LRRC7: variants seen among roughly 807,000 people sequenced by gnomAD.
The protein encoded by LRRC7 is leucine-rich repeat-containing protein 7.
A neutral mutation model predicts 175.7 loss-of-function variants in LRRC7; 23 were observed. The ratio of observed to expected loss-of-function variants is 0.13; its 90% CI spans 0.09 to 0.19. The LOEUF is 0.19. Among genes scored for constraint, LRRC7 ranks in the 10% least tolerant of loss-of-function variants. LRRC7 has a pLI of 1.00. For missense variants in LRRC7, 1,354 were observed against 1,904.7 expected (o/e 0.71, Z 5.38); for synonymous variants, 685 against 680.9 (o/e 1.01, Z -0.09).
chr1:69,871,839 A>C (rs1685581081), intron 7 of LRRC7, among the ~76,000 whole-genome samples: 1 of 152,006 alleles, frequency 6.6e-6, no homozygotes, highest in Non-Finnish European at 1.5e-5. Context: ...TTTTTGTTCA[A>C]ATAATCTATG....
intron 26 of LRRC7, among the ~76,000 whole-genome samples, chr1:70,108,606 C>T (rs1469492816): frequency 6.6e-6 from 1 of 152,122 alleles, no homozygotes; most frequent in Non-Finnish European, 1.5e-5. Context: ...AGTATTTTGA[C>T]TTAGAACCCC....
chr1:69,852,694 T>A (rs1326745008), intron 7 of LRRC7, among the ~76,000 whole-genome samples: 2 of 152,216 alleles, frequency 1.3e-5, no homozygotes, highest in Non-Finnish European at 2.9e-5. Context: ...CTTAAGTTAG[T>A]TAATTGAACA....
At chr1:69,838,171 C>G (rs1331078347) in intron 6 of LRRC7, 56 bp from the exon 7 acceptor site, 3 of 1,227,360 alleles carry the variant, frequency 2.4e-6, no homozygotes, top group Non-Finnish European at 3.6e-6. Flanking sequence ...AGATCTTATT[C>G]AATAATTTTT....
chr1:69,987,512 C>T (rs1253966554), intron 10 of LRRC7, among the ~76,000 whole-genome samples: 1 of 152,190 alleles, frequency 6.6e-6, no homozygotes, highest in African/African-American at 2.4e-5. Context: ...TCTTATCCTT[C>T]GTGGATGCTG....
chr1:69,985,012 C>G (rs1653804290), intron 9 of LRRC7, among the ~76,000 whole-genome samples: 1 of 152,192 alleles, frequency 6.6e-6, no homozygotes, highest in African/African-American at 2.4e-5. Context: ...ACGTGCTGTT[C>G]TCCCTTCCAG....
chr1:70,040,875 G>GA (rs200059638), intron 21 of LRRC7, among the ~76,000 whole-genome samples: 73 of 151,334 alleles, frequency 4.8e-4, no homozygotes, highest in Non-Finnish European at 9.2e-4. Flanking sequence ...ATCAGGGACA[G>GA]AAAAAAAAAT....
chr1:69,795,914 T>G (rs1018211647), intron 4 of LRRC7, among the ~76,000 whole-genome samples: 2 of 151,662 alleles, frequency 1.3e-5, no homozygotes, highest in African/African-American at 4.8e-5. Context: ...TTTTTTGGGT[T>G]TTTTTTTGTT....
In LRRC7 at chr1:70,028,343, C is replaced by T. The variant is rs756480524; in HGVS notation, c.1967C>T (p.Pro656Leu). Residue 656 changes from proline to leucine, a missense_variant, in exon 18 of 27, where the codon CCG becomes CTG. This residue lies in a region of LRRC7 where 1,032 missense variants were observed against 1,227.2 expected (regional missense o/e 0.84). Transcript: ENST00000651989. ...AAAGAAAAATATGAACACAAGTGGC[C>T]GGTAGCCCCAAAGGAGATTACAGTG... is the stretch of plus-strand genomic sequence containing the variant. Reference protein sequence around the residue: ...TVKEKYEHKWPVAPKEITVED... With the variant: ...TVKEKYEHKWLVAPKEITVED... 27 of 1,613,318 alleles carry T rather than the reference C, an allele frequency of 1.7e-5. No homozygotes were observed. The highest frequency in any genetic ancestry group is 2.0e-5 in the Non-Finnish European group (24 of 1,179,678).
chr1:69,736,208 T>C (rs1311341907), intron 2 of LRRC7, among the ~76,000 whole-genome samples: 3 of 152,148 alleles, frequency 2.0e-5, no homozygotes, highest in Non-Finnish European at 4.4e-5. Flanking sequence ...TATTCTGTAA[T>C]GTACTTTTTG....
intron 1 of LRRC7, among the ~76,000 whole-genome samples, chr1:69,630,275 T>A (rs1215955482): frequency 6.6e-6 from 1 of 152,154 alleles, no homozygotes; most frequent in Non-Finnish European, 1.5e-5. Flanking sequence ...CTTAAAAGAG[T>A]TGCCCACTTC....
At chr1:69,810,721 T>C (rs2101138977) in intron 4 of LRRC7, among the ~76,000 whole-genome samples, 1 of 152,348 alleles carries the variant, frequency 6.6e-6, no homozygotes, top group Admixed American at 6.5e-5. Flanking sequence ...GCTAGCCATA[T>C]GCAGAAAACT....
At chr1:69,683,861 A>G (rs1557595955) in intron 2 of LRRC7, among the ~76,000 whole-genome samples, 1 of 147,800 alleles carries the variant, frequency 6.8e-6, no homozygotes, top group Non-Finnish European at 1.5e-5. Context: ...TACATGTAAA[A>G]ATATCAGAAA....
chr1:69,687,148 C>T (rs559350490), intron 2 of LRRC7, among the ~76,000 whole-genome samples: 1 of 152,196 alleles, frequency 6.6e-6, no homozygotes, highest in East Asian at 1.9e-4. Flanking sequence ...TTTAGCCCAA[C>T]TTAGTTGTCA....
At chr1:69,842,655 A>G (rs969897983) in intron 7 of LRRC7, among the ~76,000 whole-genome samples, 1 of 152,140 alleles carries the variant, frequency 6.6e-6, no homozygotes, top group African/African-American at 2.4e-5. Flanking sequence ...GATTTGGTAG[A>G]TGAAGAATGC....
At chr1:69,867,473 CATTA>C (rs909022276) in intron 7 of LRRC7, among the ~76,000 whole-genome samples, 1 of 152,108 alleles carries the variant, frequency 6.6e-6, no homozygotes, top group Non-Finnish European at 1.5e-5. Flanking sequence ...CACTGAAGAA[CATTA>C]AGCTAGGAGT....
chr1:70,037,965 AAAT>A (rs1326953936), intron 20 of LRRC7, 145 bp from the exon 21 acceptor site: 18 of 1,129,602 alleles, frequency 1.6e-5, no homozygotes, highest in African/African-American at 7.8e-5. Context: ...TTAAAATATG[AAAT>A]AATAATACTA....
intron 1 of LRRC7, among the ~76,000 whole-genome samples, chr1:69,674,790 T>A (rs1570300045): frequency 6.6e-6 from 1 of 152,276 alleles, no homozygotes; most frequent in East Asian, 1.9e-4. Flanking sequence ...CTAAGCTAAT[T>A]TTTTTTCCTC....
At chr1:69,995,202 C>A (rs35781710) in intron 11 of LRRC7, among the ~76,000 whole-genome samples, 12,828 of 152,048 alleles carry the variant, frequency 0.084, 707 homozygotes, top group Admixed American at 0.12. Context: ...CAATTTATTT[C>A]TAATATTGTC....
intron 3 of LRRC7, among the ~76,000 whole-genome samples, chr1:69,780,417 C>T (rs555433676): frequency 8.6e-5 from 13 of 151,938 alleles, no homozygotes; most frequent in Non-Finnish European, 1.8e-4. Context: ...TGGCACTGTG[C>T]CTGTCACTGA....
Sources: gnomAD v4.1 joint callset for allele counts (sites outside exome capture counted in the v4.1 genomes callset) on GRCh38, gnomAD v4.1.1 for gene constraint, gnomAD v4.1.1 regional missense constraint, MANE v1.5 for transcripts, NCBI Gene and HGNC (gene_info 2026-07-23, HGNC 2026-07-21) for gene names.